The following FAF1 variants were observed in gnomAD, a reference collection of about 807,000 sequenced individuals.
FAF1 encodes the protein Fas associated factor 1, also known as FAS-associated factor 1.
Under a neutral mutation model 92.5 loss-of-function variants are expected in FAF1, and 25 were observed. The observed-to-expected ratio is 0.27, with a 90% confidence interval of 0.20 to 0.38. The LOEUF is 0.38. Ranked by LOEUF, FAF1 falls within the 10% of genes least tolerant of loss-of-function variation. The probability of loss-of-function intolerance (pLI) is 1.00; values close to 1 mark genes in which losing one functional copy is unlikely to be tolerated. For missense variants in FAF1, 636 were observed against 793.3 expected (o/e 0.80, Z 2.38); for synonymous variants, 234 against 273.2 (o/e 0.86, Z 1.42).
chr1:50,789,975 T>G (rs1159029225), intron 3 of FAF1, among the ~76,000 whole-genome samples: 4 of 152,206 alleles, frequency 2.6e-5, no homozygotes, highest in Non-Finnish European at 5.9e-5. Context: ...TCTATCTTTC[T>G]TCTAACAAAT....
At chr1:50,729,058 A>ATATATATATATTTT (rs1375923156) in intron 6 of FAF1, among the ~76,000 whole-genome samples, 2 of 70,130 alleles carry the variant, frequency 2.9e-5, no homozygotes, top group African/African-American at 1.2e-4. Context: ...ATATATATAT[A>ATATATATATATTTT]TTTTTTTTTT....
At chr1:50,712,237 T>C (rs938966978) in intron 6 of FAF1, among the ~76,000 whole-genome samples, 2 of 152,212 alleles carry the variant, frequency 1.3e-5, no homozygotes, top group African/African-American at 4.8e-5. Context: ...TAAGGTGCTA[T>C]GGAAACACAG....
At chr1:50,462,613 T>C (rs930165298) in intron 18 of FAF1, among the ~76,000 whole-genome samples, 10 of 152,140 alleles carry the variant, frequency 6.6e-5, no homozygotes, top group Non-Finnish European at 1.5e-4. Flanking sequence ...AGGACAACCG[T>C]AGGGGTTCGG....
At chr1:50,653,748 C>T (rs1428766638) in intron 8 of FAF1, among the ~76,000 whole-genome samples, 4 of 152,138 alleles carry the variant, frequency 2.6e-5, no homozygotes, top group African/African-American at 9.7e-5. Flanking sequence ...CGCCTATAAT[C>T]CCAGCTACTT....
At chr1:50,808,245 A>G (rs749016850) in intron 2 of FAF1, among the ~76,000 whole-genome samples, 1 of 152,220 alleles carries the variant, frequency 6.6e-6, no homozygotes, top group Admixed American at 6.5e-5. Context: ...CTGACTTACC[A>G]GAACTCCTTA....
chr1:50,575,732 A>C (rs1650700836), intron 12 of FAF1, among the ~76,000 whole-genome samples: 1 of 152,244 alleles, frequency 6.6e-6, no homozygotes, highest in Admixed American at 6.5e-5. Context: ...TGGAAAAAAT[A>C]ACACAGACAA....
chr1:50,495,171 G>A (rs1380866534), intron 15 of FAF1, among the ~76,000 whole-genome samples: 1 of 151,988 alleles, frequency 6.6e-6, no homozygotes, highest in Non-Finnish European at 1.5e-5. Flanking sequence ...TTTTACTATA[G>A]TCATCCTGTT....
intron 4 of FAF1, among the ~76,000 whole-genome samples, chr1:50,759,567 T>C (rs1242269451): frequency 1.3e-5 from 2 of 151,956 alleles, no homozygotes; most frequent in Non-Finnish European, 2.9e-5. Flanking sequence ...GACATTTGGG[T>C]TGGTTCCAAG....
intron 13 of FAF1, among the ~76,000 whole-genome samples, chr1:50,545,163 G>A (rs539184438): frequency 1.6e-3 from 238 of 152,156 alleles, no homozygotes; most frequent in African/African-American, 5.4e-3. Context: ...AAACTAGTAA[G>A]TAAAAGATCA....
At chr1:50,952,812 C>G (rs1252644855) in intron 1 of FAF1, among the ~76,000 whole-genome samples, 3 of 129,458 alleles carry the variant, frequency 2.3e-5, no homozygotes, top group African/African-American at 8.9e-5. Flanking sequence ...GTCTGGGAAG[C>G]GAGGAGCCCC....
At chr1:50,514,193 A>AT (rs1043965271) in intron 15 of FAF1, among the ~76,000 whole-genome samples, 3 of 152,194 alleles carry the variant, frequency 2.0e-5, no homozygotes, top group Non-Finnish European at 4.4e-5. Context: ...GTCACCATTT[A>AT]TTTATATGTC....
intron 2 of FAF1, among the ~76,000 whole-genome samples, chr1:50,817,364 A>T (rs2124613769): frequency 6.6e-6 from 1 of 152,356 alleles, no homozygotes; most frequent in Non-Finnish European, 1.5e-5. Flanking sequence ...AAGATATTAT[A>T]CTAAGTGAAA....
At chr1:50,774,943 G>C (rs1422822488) in intron 4 of FAF1, among the ~76,000 whole-genome samples, 1 of 152,054 alleles carries the variant, frequency 6.6e-6, no homozygotes, top group Non-Finnish European at 1.5e-5. Context: ...TAACAACCCA[G>C]TGAAATTACC....
At chr1:50,903,282 T>C (rs1644810649) in intron 1 of FAF1, among the ~76,000 whole-genome samples, 3 of 152,190 alleles carry the variant, frequency 2.0e-5, no homozygotes, top group Admixed American at 2.0e-4. Flanking sequence ...TAATTATCCC[T>C]ACCCTCTAAC....
chr1:50,633,937 T>C (rs1051221457), intron 8 of FAF1, among the ~76,000 whole-genome samples: 10 of 152,192 alleles, frequency 6.6e-5, no homozygotes, highest in Non-Finnish European at 2.9e-5. Flanking sequence ...TCCATGTTGA[T>C]CACAATTGTC....
intron 7 of FAF1, among the ~76,000 whole-genome samples, chr1:50,677,826 CGGA>C (rs1312300119): frequency 7.4e-6 from 1 of 135,652 alleles, no homozygotes; most frequent in African/African-American, 2.8e-5. Context: ...ACCCAGGAGG[CGGA>C]GGTTGTGGTG....
chr1:50,514,619 A>C (rs1647185184), intron 15 of FAF1, among the ~76,000 whole-genome samples: 1 of 152,238 alleles, frequency 6.6e-6, no homozygotes, highest in South Asian at 2.1e-4. Context: ...GTAACTTCCA[A>C]GTCCTAACTG....
intron 6 of FAF1, among the ~76,000 whole-genome samples, chr1:50,714,144 C>T (rs1437549261): frequency 1.3e-5 from 2 of 151,844 alleles, no homozygotes; most frequent in African/African-American, 4.8e-5. Context: ...ACCATATATT[C>T]ATTCTCTCTT....
At chr1:50,650,473 A>C (rs1346997233) in intron 8 of FAF1, among the ~76,000 whole-genome samples, 1 of 151,452 alleles carries the variant, frequency 6.6e-6, no homozygotes, top group Non-Finnish European at 1.5e-5. Context: ...TACAAAAATG[A>C]GCTGGGCATG....
Sources: allele counts gnomAD v4.1 joint callset (sites outside exome capture counted in the v4.1 genomes callset), GRCh38; gene constraint gnomAD v4.1.1; transcripts MANE v1.5; gene names NCBI Gene and HGNC (gene_info 2026-07-23, HGNC 2026-07-21).